MAGI1: variants seen among roughly 807,000 people sequenced by gnomAD.
The protein encoded by MAGI1 is membrane associated guanylate kinase, WW and PDZ domain containing 1, also known as membrane-associated guanylate kinase, WW and PDZ domain-containing protein 1.
A neutral mutation model predicts 139.9 loss-of-function variants in MAGI1; 58 were observed. The observed-to-expected ratio is 0.41, with a 90% CI of 0.34 to 0.52. The LOEUF (loss-of-function observed/expected upper bound fraction) is 0.52. MAGI1 is among the 20% of genes least tolerant of loss of function. MAGI1 has a pLI of 0.12. For synonymous variants in MAGI1, 812 were observed against 737.9 expected (o/e 1.10, Z -1.63); for missense variants, 1,874 against 1,901.6 (o/e 0.99, Z 0.27).
intron 1 of MAGI1, among the ~76,000 whole-genome samples, chr3:65,847,512 C>T (rs541663492): frequency 1.4e-4 from 21 of 152,214 alleles, no homozygotes; most frequent in African/African-American, 4.1e-4. Flanking sequence ...ACATATTAAA[C>T]AAATTTTATT....
intron 2 of MAGI1, among the ~76,000 whole-genome samples, chr3:65,569,415 TG>T (rs1450741227): frequency 6.6e-6 from 1 of 152,196 alleles, no homozygotes; most frequent in Non-Finnish European, 1.5e-5. Context: ...GCACTTAAAA[TG>T]GTTAAAATGG....
chr3:65,967,255 G>C (rs1226420155), intron 1 of MAGI1, among the ~76,000 whole-genome samples: 3 of 152,224 alleles, frequency 2.0e-5, no homozygotes, highest in Non-Finnish European at 4.4e-5. Flanking sequence ...GTCAGTGGCA[G>C]AATCTAAGTA....
intron 5 of MAGI1, among the ~76,000 whole-genome samples, chr3:65,458,330 G>A (rs1237449775): frequency 6.6e-6 from 1 of 151,356 alleles, no homozygotes; most frequent in Non-Finnish European, 1.5e-5. Flanking sequence ...TGGATCATGT[G>A]ATAGCTCTAT....
At chr3:65,357,802 G>A (rs1014847971) in intron 22 of MAGI1, among the ~76,000 whole-genome samples, 6 of 152,098 alleles carry the variant, frequency 3.9e-5, no homozygotes, top group Non-Finnish European at 8.8e-5. Flanking sequence ...GGATTACAGA[G>A]GCAACATGCT....
Position 66,037,986 on chromosome 3 carries a change from C to G in MAGI1, c.313+10G>C, listed in dbSNP as rs779557676. ...CTCGGGGCGCCCCCCAAAGGCGCGC[C>G]CTGCCTTACCTTGTCTGACGGCCTT... On this transcript the variant is annotated intron_variant, in intron 1 of 22. Transcript: ENST00000402939. 1 of 1,539,400 alleles carries G rather than the reference C, an allele frequency of 6.5e-7. No homozygotes were observed. Among genetic ancestry groups the G allele is most frequent in the South Asian group, 1.3e-5 (1 of 79,674 alleles).
chr3:66,001,224 G>A (rs549664274), intron 1 of MAGI1, among the ~76,000 whole-genome samples: 2 of 152,248 alleles, frequency 1.3e-5, no homozygotes, highest in Non-Finnish European at 2.9e-5. Flanking sequence ...GTTCGATTAG[G>A]ATGGAATAGG....
At chr3:65,582,252 A>T (rs1298640751) in intron 2 of MAGI1, among the ~76,000 whole-genome samples, 3 of 152,178 alleles carry the variant, frequency 2.0e-5, no homozygotes, top group Non-Finnish European at 4.4e-5. Flanking sequence ...TATTTAGTGA[A>T]TGAGTAAGCT....
At chr3:65,691,310 A>G (rs1355719084) in intron 1 of MAGI1, among the ~76,000 whole-genome samples, 2 of 151,384 alleles carry the variant, frequency 1.3e-5, no homozygotes, top group Non-Finnish European at 2.9e-5. Flanking sequence ...CTCAAAAAAA[A>G]AAAAAGAAAA....
chr3:65,847,696 C>T (rs2108373501), intron 1 of MAGI1, among the ~76,000 whole-genome samples: 1 of 152,226 alleles, frequency 6.6e-6, no homozygotes, highest in South Asian at 2.1e-4. Context: ...TCCTCTCAAT[C>T]GTTTATTTAT....
At chr3:65,597,706 C>T in intron 2 of MAGI1, 1 of 456,686 alleles carries the variant, frequency 2.2e-6, no homozygotes. Flanking sequence ...GCCTCTGCCG[C>T]CGCCTGCCTG....
intron 1 of MAGI1, among the ~76,000 whole-genome samples, chr3:65,725,184 CA>C (rs1576897157): frequency 2.0e-5 from 3 of 152,116 alleles, no homozygotes; most frequent in Non-Finnish European, 4.4e-5. Flanking sequence ...TTAAGTCATT[CA>C]ATTGAAGTAG....
intron 1 of MAGI1, among the ~76,000 whole-genome samples, chr3:65,826,789 A>G (rs894146960): frequency 3.9e-5 from 6 of 152,244 alleles, no homozygotes; most frequent in Admixed American, 1.3e-4. Flanking sequence ...TAAAGATGGA[A>G]AACACGACTA....
At chr3:65,980,550 CTG>C (rs1209137308) in intron 1 of MAGI1, among the ~76,000 whole-genome samples, 2 of 132,490 alleles carry the variant, frequency 1.5e-5, no homozygotes, top group African/African-American at 5.6e-5. Context: ...GGGCAAGAGA[CTG>C]AGACTCCATC....
At chr3:65,398,505 A>G (rs1944586536) in intron 13 of MAGI1, among the ~76,000 whole-genome samples, 1 of 152,208 alleles carries the variant, frequency 6.6e-6, no homozygotes, top group South Asian at 2.1e-4. Flanking sequence ...TCTCAAAAAA[A>G]AAGAGGGGAC....
intron 3 of MAGI1, among the ~76,000 whole-genome samples, chr3:65,489,027 T>C (rs957836381): frequency 6.6e-6 from 1 of 150,780 alleles, no homozygotes; most frequent in Non-Finnish European, 1.5e-5. Flanking sequence ...GAGTGTAGAC[T>C]CTGTGGCCAG....
intron 2 of MAGI1, among the ~76,000 whole-genome samples, chr3:65,564,162 C>G (rs2080501115): frequency 1.3e-5 from 2 of 152,056 alleles, no homozygotes; most frequent in South Asian, 4.1e-4. Flanking sequence ...GAAAAACCAA[C>G]TGGAACGGAG....
Position 66,037,933 on chromosome 3 carries a change from G to C in MAGI1, c.313+63C>G, listed in dbSNP as rs2069032873. 3 of 1,511,260 alleles carry C rather than the reference G, an allele frequency of 2.0e-6. No individual in the cohort carries two copies. The African/African-American group carries it at 4.2e-5, about 21-fold the overall frequency. 93.6% of individuals were successfully genotyped at this position (1,511,260 alleles called of 1,614,324 possible). The stretch of plus-strand genomic sequence containing the variant: ...GAGGGAAGCAGGAAATCGAGAATAA[G>C]GGGCAGCCCACAGACCACCCTCCTT... On this transcript the variant is annotated intron_variant, in intron 1 of 22. Transcript: ENST00000402939.
intron 3 of MAGI1, among the ~76,000 whole-genome samples, chr3:65,490,855 AAAG>A (rs1398561607): frequency 3.3e-5 from 5 of 149,386 alleles, no homozygotes; most frequent in African/African-American, 7.4e-5. Context: ...AAAAAAAAAA[AAAG>A]AAAAAAGAAA....
At chr3:65,791,772 T>C (rs1436212359) in intron 1 of MAGI1, among the ~76,000 whole-genome samples, 1 of 152,306 alleles carries the variant, frequency 6.6e-6, no homozygotes, top group East Asian at 1.9e-4. Flanking sequence ...ACGTTGAATA[T>C]ATATTACTTC....
Sources: allele counts gnomAD v4.1 joint callset (sites outside exome capture counted in the v4.1 genomes callset), GRCh38; gene constraint gnomAD v4.1.1; transcripts MANE v1.5; gene names NCBI Gene and HGNC (gene_info 2026-07-23, HGNC 2026-07-21).